CALD1: variants seen among roughly 807,000 people sequenced by gnomAD.
CALD1 encodes the protein caldesmon.
A neutral mutation model predicts 99.9 loss-of-function variants in CALD1; 33 were observed. That is an observed-to-expected ratio of 0.33 (90% CI 0.25 to 0.44). The LOEUF (loss-of-function observed/expected upper bound fraction) is 0.44, where lower values mean the gene tolerates loss of function less well. CALD1 is among the 20% of genes least tolerant of loss of function. The pLI is 1.00. For missense variants in CALD1, 861 were observed against 962.1 expected (o/e 0.89, Z 1.39); for synonymous variants, 310 against 325.0 (o/e 0.95, Z 0.50).
intron 2 of CALD1, among the ~76,000 whole-genome samples, chr7:134,849,244 T>C (rs1027895218): frequency 6.6e-6 from 1 of 152,216 alleles, no homozygotes; most frequent in Non-Finnish European, 1.5e-5. Flanking sequence ...TCTGTAAATC[T>C]ACTTTTCTGC....
chr7:134,880,381 G>A (rs62479554), intron 3 of CALD1, among the ~76,000 whole-genome samples: 1,964 of 152,306 alleles, frequency 0.013, 25 homozygotes, highest in Middle Eastern at 0.02. Flanking sequence ...GTTTTCTGGA[G>A]GTGGGGGGAG....
upstream of CALD1, among the ~76,000 whole-genome samples, chr7:134,775,806 C>T (rs1425405296): frequency 6.6e-6 from 1 of 152,092 alleles, no homozygotes; most frequent in African/African-American, 2.4e-5. Flanking sequence ...ATGAAGATGA[C>T]ATATTTCACC....
chr7:134,924,453 C>T (rs1414996950), intron 3 of CALD1, among the ~76,000 whole-genome samples: 1 of 152,002 alleles, frequency 6.6e-6, no homozygotes, highest in African/African-American at 2.4e-5. Context: ...GGCCTAAAAG[C>T]TAAGAAATGA....
At chr7:134,719,078 G>A in the CALD1 span, among the ~76,000 whole-genome samples, 1 of 152,146 alleles carries the variant, frequency 6.6e-6, no homozygotes, top group Non-Finnish European at 1.5e-5. Flanking sequence ...ATATCCTACA[G>A]CTCACAAATG....
chr7:134,963,783 G>T (rs1488692111), intron 13 of CALD1, among the ~76,000 whole-genome samples: 1 of 152,030 alleles, frequency 6.6e-6, no homozygotes, highest in Non-Finnish European at 1.5e-5. Flanking sequence ...TCAACTTCTC[G>T]CATGGGTTCA....
intron 2 of CALD1, among the ~76,000 whole-genome samples, chr7:134,855,799 CA>C (rs1182721462): frequency 3.3e-5 from 5 of 152,134 alleles, no homozygotes; most frequent in Admixed American, 3.3e-4. Flanking sequence ...AAATGTACTC[CA>C]AAGAGATTTT....
chr7:134,745,604 G>A (rs973656700), intron 1 of CALD1: 15 of 152,204 alleles, frequency 9.9e-5, no homozygotes, highest in African/African-American at 3.4e-4. Flanking sequence ...ATCTGCTAGA[G>A]AGGTGAATTT....
In CALD1 at chr7:134,800,823, GACA is replaced by G. The variant is rs577820529; in HGVS notation, c.-130+21078_-130+21080del. On this transcript the variant is annotated intron_variant, in intron 1 of 14. Coordinates refer to ENST00000361675, the MANE Select transcript of CALD1 (RefSeq NM_033138.4). ...CTTAATATGTTTTCTTCAAGTTTCA[GACA>G]ACATTTCAAGTAAAGTATCTTTAAA... is the stretch of plus-strand genomic sequence containing the variant. Among the ~76,000 whole-genome samples, 638 of 152,022 alleles carry G rather than the reference GACA, an allele frequency of 4.2e-3. 5 individuals carry two copies. Among genetic ancestry groups the G allele is most frequent in the Middle Eastern group, 7.4e-3 (2 of 272 alleles).
chr7:134,867,793 C>A lies in CALD1; in HGVS notation c.60C>A (p.Leu20=), dbSNP rs767141301. 1 of 1,601,278 alleles carries A rather than the reference C, an allele frequency of 6.2e-7. No homozygotes were observed. The highest frequency in any genetic ancestry group is 8.5e-7 in the Non-Finnish European group (1 of 1,170,008). The change falls in exon 3 of 15, where the codon CTC becomes CTA. Residue 20 remains leucine, a synonymous_variant. Transcript: ENST00000361675. ...GGCAAAAGAGGGAGGAGATGCGACT[C>A]GAAGCAGAAAGGTAAGGATCTAGGG... is the stretch of plus-strand genomic sequence containing the variant. ...LRRQKREEMR[L]EAERIAYQRN... is the part of the protein sequence containing the mutation.
chr7:134,853,773 T>C lies in CALD1; in HGVS notation c.-42+9802T>C, dbSNP rs139780737. ...TGTGCAGAACGTGCAGCTTGTTACA[T>C]AGGTATACACATGCCATGGTGGTTT... On this transcript the variant is annotated intron_variant, in intron 2 of 14. Transcript: ENST00000361675. 2.1e-3 allele frequency among the ~76,000 whole-genome samples: 315 copies of C among 152,318 alleles called. 2 individuals are homozygous for C. The highest frequency in any genetic ancestry group is 7.1e-3 in the African/African-American group (297 of 41,564).
rs190293840 is a variant in CALD1 at position 134,907,379 on chromosome 7, A to G, written c.72-21375A>G. On this transcript the variant is annotated intron_variant, in intron 3 of 14. Coordinates refer to ENST00000361675, the MANE Select transcript of CALD1 (RefSeq NM_033138.4). ...GCCCTGTAAACAGAGGAGAAGCAGA[A>G]AGAGAGAAGGGAGGACAGAGCTTTT... Among the ~76,000 whole-genome samples, 297 of 152,254 alleles carry G rather than the reference A, an allele frequency of 2.0e-3. 5 individuals carry two copies. Among genetic ancestry groups the G allele is most frequent in the Admixed American group, 0.017 (266 of 15,302 alleles).
At chr7:134,797,146 G>T (rs533995078) in intron 1 of CALD1, among the ~76,000 whole-genome samples, 2 of 152,146 alleles carry the variant, frequency 1.3e-5, no homozygotes, top group Admixed American at 6.5e-5. Context: ...CACTTGGCTA[G>T]TTTAAAAACT....
intron 6 of CALD1, among the ~76,000 whole-genome samples, chr7:134,938,322 G>C (rs952057120): frequency 1.1e-4 from 17 of 152,140 alleles, no homozygotes; most frequent in African/African-American, 4.1e-4. Flanking sequence ...TTGCTTGCTT[G>C]ACTTTCTGAG....
At chr7:134,776,978 T>C (rs1796923415), upstream of CALD1, among the ~76,000 whole-genome samples, 1 of 152,190 alleles carries the variant, frequency 6.6e-6, no homozygotes, top group South Asian at 2.1e-4. Context: ...ATCTAGCCTA[T>C]GATAGACAAG....
intron 3 of CALD1, among the ~76,000 whole-genome samples, chr7:134,869,803 T>A (rs1455623221): frequency 2.0e-5 from 3 of 152,112 alleles, no homozygotes; most frequent in East Asian, 1.9e-4. Flanking sequence ...GTGGTGCTAG[T>A]ACAAAAGCTG....
In CALD1 at chr7:134,933,107, A is replaced by G; in HGVS notation, c.338A>G (p.Glu113Gly). 1.2e-6 allele frequency: 2 copies of G among 1,614,074 alleles called. No individual in the cohort carries two copies. The highest frequency in any genetic ancestry group is 1.7e-6 in the Non-Finnish European group (2 of 1,180,010). Residue 113 changes from glutamate to glycine, a missense_variant, in exon 5 of 15, where the codon GAG becomes GGG. Around this residue, in one of 5 missense-constraint regions of CALD1, gnomAD observed 123 missense variants for 169.8 expected, o/e 0.72. Transcript: ENST00000361675. The stretch of plus-strand genomic sequence containing the variant: ...GAAAGACGCCAAAAACGCCTTCAGG[A>G]GGCTCTGGAGCGGCAGAAGGAGTTC... The part of the protein sequence containing the change: ...REERRQKRLQ[E>G]ALERQKEFDP...
In CALD1 at chr7:134,947,783, T is replaced by A; in HGVS notation, c.1794+14T>A. The A allele has an allele frequency of 5.6e-6, 9 of 1,607,030 alleles. No homozygotes were observed. The highest frequency in any genetic ancestry group is 7.6e-6 in the Non-Finnish European group (9 of 1,176,536). On this transcript the variant is annotated intron_variant, in intron 8 of 14. Coordinates refer to ENST00000361675, the MANE Select transcript of CALD1 (RefSeq NM_033138.4). Reference sequence around the variant, plus strand: ...CTCAGAGAGGAGGTAAGGCGGGCGCTAGCCCACTGAGAACGTTGCCCGGGA... The same window carrying A: ...CTCAGAGAGGAGGTAAGGCGGGCGCAAGCCCACTGAGAACGTTGCCCGGGA...
At chr7:134,762,190 A>C (rs1164106571) in intron 1 of CALD1, among the ~76,000 whole-genome samples, 1 of 152,236 alleles carries the variant, frequency 6.6e-6, no homozygotes, top group Non-Finnish European at 1.5e-5. Flanking sequence ...ACCAGCCAGC[A>C]AAATGAAGAG....
At chr7:134,847,380 G>T (rs1736510126) in intron 2 of CALD1, among the ~76,000 whole-genome samples, 1 of 152,124 alleles carries the variant, frequency 6.6e-6, no homozygotes, top group Non-Finnish European at 1.5e-5. Context: ...CCTTCCTGTG[G>T]GTTTTTAGTA....
Sources: gnomAD v4.1 joint callset for allele counts (sites outside exome capture counted in the v4.1 genomes callset) on GRCh38, gnomAD v4.1.1 for gene constraint, gnomAD v4.1.1 regional missense constraint, MANE v1.5 for transcripts, NCBI Gene and HGNC (gene_info 2026-07-23, HGNC 2026-07-21) for gene names.